MACF1: variants seen among roughly 807,000 people sequenced by gnomAD.
MACF1 encodes the protein microtubule actin crosslinking factor 1.
MACF1 carries 193 observed loss-of-function variants against 854.8 expected under a neutral mutation model. The observed-to-expected ratio is 0.23, with a 90% CI of 0.20 to 0.25. The LOEUF (loss-of-function observed/expected upper bound fraction) is 0.25. MACF1 is among the 10% of genes least tolerant of loss of function. MACF1 has a pLI of 1.00. For missense variants in MACF1, 7,722 were observed against 8,929.1 expected (o/e 0.86, Z 5.45); for synonymous variants, 3,185 against 3,226.7 (o/e 0.99, Z 0.44).
At chr1:39,239,244 G>T (rs1038376051) in intron 2 of MACF1, among the ~76,000 whole-genome samples, 3 of 152,082 alleles carry the variant, frequency 2.0e-5, no homozygotes, top group African/African-American at 7.2e-5. Context: ...TCGTGCCACC[G>T]CACTCCAGCG....
Position 39,335,362 on chromosome 1 carries a change from A to AG in MACF1, c.8775dup (p.Ser2926ValfsTer8). 6.2e-7 allele frequency: 1 copy of AG among 1,613,684 alleles called. No homozygotes were observed. The highest frequency in any genetic ancestry group is 8.5e-7 in the Non-Finnish European group (1 of 1,179,618). ...ATAGAAATTATTTCTCATATGAAGCAGTCTACCTCATGTCTAGATTCTGAA... is the reference window on the plus strand; with the variant it reads ...ATAGAAATTATTTCTCATATGAAGCAGGTCTACCTCATGTCTAGATTCTGAA... On this transcript the variant is annotated frameshift_variant, in exon 37 of 101. Coordinates refer to ENST00000564288, the MANE Select transcript of MACF1 (RefSeq NM_001394062.1). LOFTEE classifies it high-confidence loss of function.
intron 5 of MACF1, among the ~76,000 whole-genome samples, chr1:39,255,420 C>T (rs569688438): frequency 7.9e-5 from 12 of 152,170 alleles, no homozygotes; most frequent in Admixed American, 4.6e-4. Flanking sequence ...TAGAGTGAGC[C>T]ATATGGAAAA....
intron 15 of MACF1, among the ~76,000 whole-genome samples, chr1:39,288,565 C>T (rs753373503): frequency 6.0e-5 from 9 of 150,900 alleles, no homozygotes; most frequent in Non-Finnish European, 1.0e-4. Flanking sequence ...TTTGGGAGGC[C>T]GAGGTGGGCG....
At chr1:39,189,126 G>C (rs1644215170) in intron 2 of MACF1, among the ~76,000 whole-genome samples, 1 of 152,182 alleles carries the variant, frequency 6.6e-6, no homozygotes, top group African/African-American at 2.4e-5. Flanking sequence ...AACCAATCTT[G>C]TTTTCAGCCT....
chr1:39,350,205 G>A (rs1647148363), intron 42 of MACF1, among the ~76,000 whole-genome samples: 1 of 152,202 alleles, frequency 6.6e-6, no homozygotes, highest in South Asian at 2.1e-4. Context: ...TGAAAGATAT[G>A]TAGGCGTTAA....
chr1:39,217,368 G>C (rs1644589216), intron 1 of MACF1, among the ~76,000 whole-genome samples: 4 of 151,096 alleles, frequency 2.6e-5, no homozygotes, highest in Admixed American at 2.0e-4. Flanking sequence ...TCCACCTCAG[G>C]GGCTCAAACG....
intron 15 of MACF1, among the ~76,000 whole-genome samples, chr1:39,289,693 C>CTTTTTTTCTTT (rs1645730914): frequency 3.5e-5 from 1 of 28,940 alleles, no homozygotes; most frequent in Non-Finnish European, 6.0e-5. Flanking sequence ...GTGGGTTGTC[C>CTTTTTTTCTTT]TTTTTTTTTT....
intron 89 of MACF1, chr1:39,457,654 C>A: frequency 6.5e-6 from 1 of 152,840 alleles, no homozygotes; most frequent in Non-Finnish European, 1.5e-5. Context: ...CCAACCCTGC[C>A]TCTTGCCATT....
At chr1:39,444,876 G>T in intron 80 of MACF1, 41 bp downstream of exon 80, 1 of 1,499,744 alleles carries the variant, frequency 6.7e-7, no homozygotes, top group South Asian at 1.3e-5. Flanking sequence ...TTTGCTGAGT[G>T]ATTGCATGTA....
intron 95 of MACF1, among the ~76,000 whole-genome samples, chr1:39,465,467 G>A (rs542531011): frequency 6.1e-4 from 93 of 152,254 alleles, no homozygotes; most frequent in Non-Finnish European, 1.1e-3. Context: ...AATAAATTTT[G>A]TAATGTATGG....
chr1:39,413,819 T>C (rs1643153785), intron 58 of MACF1: 6 of 1,590,600 alleles, frequency 3.8e-6, no homozygotes, highest in East Asian at 2.3e-5. Flanking sequence ...TCTGCCTCCT[T>C]TGCAGCTGTG....
intron 2 of MACF1, among the ~76,000 whole-genome samples, chr1:39,234,780 C>A (rs1441080954): frequency 8.4e-6 from 1 of 119,328 alleles, no homozygotes; most frequent in Non-Finnish European, 1.9e-5. Context: ...GGTCTCCTCA[C>A]TTCTCAGACG....
intron 65 of MACF1, among the ~76,000 whole-genome samples, chr1:39,430,407 G>GT (rs1643859824): frequency 6.6e-6 from 1 of 151,920 alleles, no homozygotes; most frequent in African/African-American, 2.4e-5. Flanking sequence ...TGAGCCTTTG[G>GT]TTAAAGCATT....
At chr1:39,326,597 C>G (rs1646616393) in intron 35 of MACF1, among the ~76,000 whole-genome samples, 1 of 145,508 alleles carries the variant, frequency 6.9e-6, no homozygotes, top group Non-Finnish European at 1.5e-5. Flanking sequence ...AGGAGAATCA[C>G]TTGAACCTGG....
intron 44 of MACF1, among the ~76,000 whole-genome samples, chr1:39,356,798 C>T (rs1418087948): frequency 1.3e-5 from 2 of 152,312 alleles, no homozygotes; most frequent in Middle Eastern, 3.4e-3. Context: ...CAGTTCTGTT[C>T]GTTAACAAAC....
At chr1:39,285,501 T>TG in intron 13 of MACF1, 103 bp from the exon 14 acceptor site, 1 of 213,468 alleles carries the variant, frequency 4.7e-6, no homozygotes, top group Non-Finnish European at 7.9e-6. Flanking sequence ...ATTATTTCCC[T>TG]TTTTTTTTTT....
intron 2 of MACF1, among the ~76,000 whole-genome samples, chr1:39,175,970 T>C (rs918887519): frequency 2.8e-5 from 4 of 141,902 alleles, no homozygotes; most frequent in African/African-American, 1.0e-4. Flanking sequence ...ATTAGCCAGG[T>C]GTGGTGACGG....
intron 38 of MACF1, 55 bp downstream of exon 38, chr1:39,337,386 T>C: frequency 6.9e-6 from 11 of 1,584,366 alleles, no homozygotes; most frequent in Non-Finnish European, 8.6e-6. Flanking sequence ...GCTGCCTCCA[T>C]CTTCCTTGAA....
chr1:39,110,164 C>A (rs554184629), intron 2 of MACF1, among the ~76,000 whole-genome samples: 1 of 151,270 alleles, frequency 6.6e-6, no homozygotes. Flanking sequence ...ACCTAAGTGA[C>A]GCTCTGAAGC....
Sources: allele counts gnomAD v4.1 joint callset (sites outside exome capture counted in the v4.1 genomes callset), GRCh38; gene constraint gnomAD v4.1.1; transcripts MANE v1.5; gene names NCBI Gene and HGNC (gene_info 2026-07-23, HGNC 2026-07-21).